BCAS3: variants seen among roughly 807,000 people sequenced by gnomAD.
BCAS3 encodes BCAS3 microtubule associated cell migration factor.
BCAS3 carries 53 observed loss-of-function variants against 116.1 expected under a neutral mutation model. The ratio of observed to expected loss-of-function variants is 0.46; its 90% CI spans 0.37 to 0.57. BCAS3 has a LOEUF of 0.57. BCAS3 is among the 20% of genes least tolerant of loss of function. The pLI is 0.00. For missense variants in BCAS3, 917 were observed against 1,165.4 expected, an observed-to-expected ratio of 0.79 and a Z score of 3.10; for synonymous variants, 391 against 408.2, an observed-to-expected ratio of 0.96 and a Z score of 0.51.
rs73991333 is a variant in BCAS3 at position 60,898,434 on chromosome 17, C to T, written c.739-4186C>T. Reference sequence around the variant, plus strand: ...CTTTGGTCTTGATTCTGGGTGTGTGCGGTAATGTAGTCTGATTTTTTTTTT... The same window carrying T: ...CTTTGGTCTTGATTCTGGGTGTGTGTGGTAATGTAGTCTGATTTTTTTTTT... On this transcript the variant is annotated intron_variant, in intron 10 of 23. Coordinates refer to ENST00000407086, the MANE Select transcript of BCAS3 (RefSeq NM_017679.5). Among the ~76,000 whole-genome samples, 153 of 151,606 alleles carry T rather than the reference C, an allele frequency of 1.0e-3. 1 individual carries two copies. The highest frequency in any genetic ancestry group is 3.5e-3 in the African/African-American group (143 of 41,296).
chr17:61,050,123 A>C (rs1600781806), intron 19 of BCAS3, among the ~76,000 whole-genome samples: 1 of 152,152 alleles, frequency 6.6e-6, no homozygotes, highest in East Asian at 1.9e-4. Flanking sequence ...GATGAAGGCA[A>C]AATATTAGAA....
In BCAS3 at chr17:61,144,770, C is replaced by T. The variant is rs540679475; in HGVS notation, c.2425+60206C>T. Among the ~76,000 whole-genome samples, 2 of 152,202 alleles carry T rather than the reference C, an allele frequency of 1.3e-5. No individual in the cohort carries two copies. Among genetic ancestry groups the T allele is most frequent in the East Asian group, 3.9e-4 (2 of 5,170 alleles). The stretch of plus-strand genomic sequence containing the variant: ...TTGTTTTTACGGGTTGCTGAGGAAG[C>T]TAAAGGTCAAAGATATTTTCTTAGT... On this transcript the variant is annotated intron_variant, in intron 22 of 23. Transcript: ENST00000407086. This position sits in a 1 kb window ranked among gnomAD's most constrained non-coding sequence, Gnocchi z 5.0.
chr17:60,743,684 A>T (rs2144241836), intron 5 of BCAS3, among the ~76,000 whole-genome samples: 1 of 152,298 alleles, frequency 6.6e-6, no homozygotes, highest in Non-Finnish European at 1.5e-5. Flanking sequence ...ATGAAAAGTC[A>T]TCAGAAGTTT....
chr17:60,778,354 A>G (rs2045500548), intron 6 of BCAS3, among the ~76,000 whole-genome samples: 1 of 152,126 alleles, frequency 6.6e-6, no homozygotes, highest in Non-Finnish European at 1.5e-5. Flanking sequence ...TAATTTTATA[A>G]GAGATTATTA....
At chr17:61,275,557 A>G (rs1477468480) in intron 22 of BCAS3, among the ~76,000 whole-genome samples, 4 of 152,190 alleles carry the variant, frequency 2.6e-5, no homozygotes, top group Non-Finnish European at 1.5e-5. Context: ...GCTGGAGTGC[A>G]GTGGCACAAT....
At chr17:61,310,147 C>T (rs1235862622) in intron 22 of BCAS3, among the ~76,000 whole-genome samples, 2 of 152,166 alleles carry the variant, frequency 1.3e-5, no homozygotes, top group Non-Finnish European at 2.9e-5. Context: ...CTTCTTTCTC[C>T]CTGCTTCCAT....
chr17:61,109,489 G>A (rs1344156401), intron 22 of BCAS3, among the ~76,000 whole-genome samples: 1 of 152,164 alleles, frequency 6.6e-6, no homozygotes, highest in Non-Finnish European at 1.5e-5. Flanking sequence ...GGAACAAATG[G>A]TAGATGTACT....
In BCAS3 at chr17:61,226,755, C is replaced by T. The variant is rs745835441; in HGVS notation, c.2426-141572C>T. Among the ~76,000 whole-genome samples the T allele has an allele frequency of 6.6e-6, 1 of 152,202 alleles. No homozygotes were observed. The highest frequency in any genetic ancestry group is 1.5e-5 in the Non-Finnish European group (1 of 68,044). On this transcript the variant is annotated intron_variant, in intron 22 of 23. Coordinates refer to ENST00000407086, the MANE Select transcript of BCAS3 (RefSeq NM_017679.5). The surrounding 1 kb of genome is among the most constrained non-coding windows in gnomAD (Gnocchi z 6.0). ...CCTAATATGTGCCAGATACCCATAG[C>T]TTTACATGGGATATCTCATTTAATC...
At chr17:61,173,780 G>T (rs1457219155) in intron 22 of BCAS3, among the ~76,000 whole-genome samples, 1 of 151,922 alleles carries the variant, frequency 6.6e-6, no homozygotes, top group Non-Finnish European at 1.5e-5. Flanking sequence ...CACTCAGGAG[G>T]TTGAGATGGG....
intron 22 of BCAS3, chr17:61,157,352 C>T (rs1268405160): frequency 7.9e-5 from 12 of 152,130 alleles, no homozygotes; most frequent in Admixed American, 7.9e-4. Context: ...TCCTCTTAGA[C>T]TCATATTACT....
chr17:61,075,362 T>C (rs2071871122), intron 20 of BCAS3, among the ~76,000 whole-genome samples: 1 of 152,210 alleles, frequency 6.6e-6, no homozygotes, highest in Non-Finnish European at 1.5e-5. Flanking sequence ...TCACCCAAGC[T>C]GGAGTGCAGT....
intron 14 of BCAS3, among the ~76,000 whole-genome samples, chr17:60,973,933 T>C (rs2062135266): frequency 6.6e-6 from 1 of 152,066 alleles, no homozygotes; most frequent in Non-Finnish European, 1.5e-5. Context: ...TGATATGGGG[T>C]TGGAGGGAAT....
intron 6 of BCAS3, among the ~76,000 whole-genome samples, chr17:60,790,151 T>G (rs2046634955): frequency 6.6e-6 from 1 of 152,206 alleles, no homozygotes; most frequent in African/African-American, 2.4e-5. Context: ...TATAAATTTT[T>G]AGTAAGTATT....
At chr17:60,728,252 C>T (rs1878089004) in intron 5 of BCAS3, among the ~76,000 whole-genome samples, 1 of 152,114 alleles carries the variant, frequency 6.6e-6, no homozygotes, top group South Asian at 2.1e-4. Flanking sequence ...CTGATAAGCC[C>T]TGGGCACCCC....
In BCAS3 at chr17:61,151,056, A is replaced by G. The variant is rs2077513979; in HGVS notation, c.2425+66492A>G. ...CAACTGAATTTCACTTACACTTCCA[A>G]CTTCTCATTTAAAGCTACAATGACC... is the stretch of plus-strand genomic sequence containing the variant. On this transcript the variant is annotated intron_variant, in intron 22 of 23. Transcript: ENST00000407086. The surrounding 1 kb of genome is among the most constrained non-coding windows in gnomAD (Gnocchi z 4.8). Among the ~76,000 whole-genome samples the G allele has an allele frequency of 6.6e-6, 1 of 152,170 alleles. No homozygotes were observed. The highest frequency in any genetic ancestry group is 1.5e-5 in the Non-Finnish European group (1 of 68,030).
rs1167994825 is a variant in BCAS3 at position 60,932,742 on chromosome 17, CAAAAAAA to C, written c.1087+8261_1087+8267del. ...GGGCGACAGAGCGAGACTCTTGTCT[CAAAAAAA>C]AAAAAAAAAAAAAAAAAAGAATCGT... On this transcript the variant is annotated intron_variant, in intron 13 of 23. Transcript: ENST00000407086. Among the ~76,000 whole-genome samples, 15 of 38,206 alleles carry C rather than the reference CAAAAAAA, an allele frequency of 3.9e-4. 1 individual carries two copies. Among genetic ancestry groups the C allele is most frequent in the African/African-American group, 3.2e-4 (5 of 15,848 alleles). The allele number at this position is 38,206 out of a possible 152,430, so 25.1% of individuals were successfully genotyped here. A position where few individuals can be genotyped will look rare whatever the true frequency, so the allele number is the denominator to read the frequency against.
rs948773605 is a variant in BCAS3, at chr17:61,023,292, T to G, written c.1637+7391T>G. Among the ~76,000 whole-genome samples, 2 of 152,230 alleles carry G rather than the reference T, an allele frequency of 1.3e-5. No individual in the cohort carries two copies. The highest frequency in any genetic ancestry group is 2.9e-5 in the Non-Finnish European group (2 of 68,032). On this transcript the variant is annotated intron_variant, in intron 16 of 23. Transcript: ENST00000407086. The surrounding 1 kb of genome is among the most constrained non-coding windows in gnomAD (Gnocchi z 4.8). The stretch of plus-strand genomic sequence containing the variant: ...TTGACACATAATGTTGTATAGCTTT[T>G]TCTCTGCTTCATCTCTGTTTATTAC...
In BCAS3 at chr17:61,134,007, A is replaced by T. The variant is rs2076484115; in HGVS notation, c.2425+49443A>T. On this transcript the variant is annotated intron_variant, in intron 22 of 23. Transcript: ENST00000407086. The surrounding 1 kb of genome is among the most constrained non-coding windows in gnomAD (Gnocchi z 4.6). ...GGAGCAATGGAGCAGAGTTGGAGAGATGAAAGCATTTGAAGACTGCAAAGT... is the reference window on the plus strand; with the variant it reads ...GGAGCAATGGAGCAGAGTTGGAGAGTTGAAAGCATTTGAAGACTGCAAAGT... Among the ~76,000 whole-genome samples, 2 of 152,172 alleles carry T rather than the reference A, an allele frequency of 1.3e-5. No homozygotes were observed. Among genetic ancestry groups the T allele is most frequent in the Non-Finnish European group, 2.9e-5 (2 of 68,036 alleles).
At chr17:61,002,124 C>T (rs1218009067) in intron 15 of BCAS3, among the ~76,000 whole-genome samples, 1 of 151,944 alleles carries the variant, frequency 6.6e-6, no homozygotes, top group Non-Finnish European at 1.5e-5. Context: ...TTAAAGGAAA[C>T]CTGATATTAT....
Sources: gnomAD v4.1 joint callset for allele counts (sites outside exome capture counted in the v4.1 genomes callset) on GRCh38, gnomAD v4.1.1 for gene constraint, Gnocchi (gnomAD v3.1) non-coding constraint, MANE v1.5 for transcripts, NCBI Gene and HGNC (gene_info 2026-07-23, HGNC 2026-07-21) for gene names.